SMAD9: variants seen among roughly 807,000 people sequenced by gnomAD.
SMAD9 encodes the protein SMAD family member 9, also known as MAD homolog 9.
SMAD9 carries 36 observed loss-of-function variants against 46.1 expected under a neutral mutation model. That is an observed-to-expected ratio of 0.78 (90% confidence interval 0.60 to 1.03). The LOEUF (loss-of-function observed/expected upper bound fraction) is 1.03. Ranked by LOEUF, SMAD9 falls within the 50% of genes least tolerant of loss-of-function variation. The pLI is 0.00. For synonymous variants in SMAD9, 245 were observed against 237.1 expected (o/e 1.03, Z -0.31); for missense variants, 572 against 599.8 (o/e 0.95, Z 0.48).
chr13:36,905,540 G>C (rs1057434869), intron 1 of SMAD9, among the ~76,000 whole-genome samples: 35 of 151,914 alleles, frequency 2.3e-4, no homozygotes, highest in Admixed American at 1.3e-4. Flanking sequence ...CAGATGGCTT[G>C]AGCCCAGGAG....
At chr13:36,914,413 G>C (rs751926349) in intron 1 of SMAD9, among the ~76,000 whole-genome samples, 11 of 152,126 alleles carry the variant, frequency 7.2e-5, no homozygotes, top group Non-Finnish European at 1.5e-4. Context: ...CAGCTACTTG[G>C]GAGGCTGAAG....
At chr13:36,915,583 T>C (rs1278045756) in intron 1 of SMAD9, among the ~76,000 whole-genome samples, 2 of 152,138 alleles carry the variant, frequency 1.3e-5, no homozygotes, top group African/African-American at 4.8e-5. Flanking sequence ...ATATTTAATA[T>C]CTAAAAAAGA....
intron 6 of SMAD9, among the ~76,000 whole-genome samples, chr13:36,850,701 T>C (rs2058067571): frequency 6.6e-6 from 1 of 152,152 alleles, no homozygotes; most frequent in Non-Finnish European, 1.5e-5. Flanking sequence ...AACTCAAACC[T>C]TTGGTGTTCT....
chr13:36,908,124 T>C (rs558331542), intron 1 of SMAD9, among the ~76,000 whole-genome samples: 85 of 152,332 alleles, frequency 5.6e-4, no homozygotes, highest in African/African-American at 2.0e-3. Context: ...GAGAAGAAAG[T>C]ACTGTTTTTA....
intron 1 of SMAD9, among the ~76,000 whole-genome samples, chr13:36,905,833 AT>A (rs61098969): frequency 0.49 from 63,316 of 130,386 alleles, 15,363 homozygotes; most frequent in Middle Eastern, 0.55. Flanking sequence ...CCTTTGTTAT[AT>A]TTTTTTAAAA....
At chr13:36,861,587 A>G (rs1201618812) in intron 5 of SMAD9, among the ~76,000 whole-genome samples, 1 of 146,470 alleles carries the variant, frequency 6.8e-6, no homozygotes, top group African/African-American at 2.5e-5. Flanking sequence ...AATTGCTGGG[A>G]TTACAGGCAT....
intron 1 of SMAD9, among the ~76,000 whole-genome samples, chr13:36,904,000 C>T (rs959983320): frequency 1.3e-5 from 2 of 151,974 alleles, no homozygotes; most frequent in African/African-American, 4.8e-5. Flanking sequence ...TTATGGAAAT[C>T]CAAAGAGCAC....
Position 36,872,725 on chromosome 13 carries a change from CGG to C in SMAD9, c.601_602del (p.Pro201ValfsTer14). ...GGGAGTGAGGGTAGCTGGCCGTGCACGGGGACTGGGAGAACGCGTGGCTGGGT... is the reference window on the plus strand; with the variant it reads ...GGGAGTGAGGGTAGCTGGCCGTGCACGGACTGGGAGAACGCGTGGCTGGGT... ...PSPSHAFSQS[P>X]CTASYPHSPG... On this transcript the variant is annotated frameshift_variant, in exon 3 of 7. Transcript: ENST00000379826. LOFTEE classifies it high-confidence loss of function. The C allele has an allele frequency of 6.2e-7, 1 of 1,613,882 alleles. No homozygotes were observed. Among genetic ancestry groups the C allele is most frequent in the African/African-American group, 1.3e-5 (1 of 74,944 alleles).
rs1330237317 is a variant in SMAD9, at chr13:36,847,229, A to G, written c.*1447T>C. On this transcript the variant is annotated 3_prime_UTR_variant, in exon 7 of 7. Transcript: ENST00000379826. ...TACCATGTGCACTAATGCTAGAAAG[A>G]GTTGAGATAAAATGTATAAATGAAG... 2 of 152,194 alleles carry G rather than the reference A, an allele frequency of 1.3e-5. No individual in the cohort carries two copies. The highest frequency in any genetic ancestry group is 4.8e-5 in the African/African-American group (2 of 41,446). 9.4% of individuals were successfully genotyped at this position (152,194 alleles called of 1,614,324 possible). A position where few individuals can be genotyped will look rare whatever the true frequency, so the allele number is the denominator to read the frequency against.
chr13:36,898,985 C>G (rs1187343187), intron 1 of SMAD9, among the ~76,000 whole-genome samples: 1 of 151,988 alleles, frequency 6.6e-6, no homozygotes, highest in East Asian at 1.9e-4. Flanking sequence ...TCTGTATTCA[C>G]AGGCAACAGA....
At chr13:36,853,948 C>T (rs576583586) in intron 5 of SMAD9, among the ~76,000 whole-genome samples, 8 of 152,196 alleles carry the variant, frequency 5.3e-5, no homozygotes, top group Non-Finnish European at 7.3e-5. Context: ...CATTTGAGGT[C>T]GGGAGTTCAA....
intron 1 of SMAD9, among the ~76,000 whole-genome samples, chr13:36,910,183 C>A (rs1422325150): frequency 2.0e-5 from 3 of 148,898 alleles, no homozygotes; most frequent in Non-Finnish European, 4.4e-5. Context: ...GGGGACACAG[C>A]GAGACTCCGT....
intron 1 of SMAD9, among the ~76,000 whole-genome samples, chr13:36,891,616 C>A (rs943952054): frequency 2.0e-5 from 3 of 152,182 alleles, no homozygotes; most frequent in South Asian, 2.1e-4. Flanking sequence ...TCATTACACC[C>A]GGCCTGGTAA....
intron 2 of SMAD9, among the ~76,000 whole-genome samples, chr13:36,876,132 C>T (rs1217596925): frequency 6.6e-6 from 1 of 152,068 alleles, no homozygotes; most frequent in Non-Finnish European, 1.5e-5. Flanking sequence ...TCATGCCTAT[C>T]TTATGCCACT....
At chr13:36,882,450 C>A (rs1238420467) in intron 1 of SMAD9, among the ~76,000 whole-genome samples, 1 of 152,192 alleles carries the variant, frequency 6.6e-6, no homozygotes, top group Non-Finnish European at 1.5e-5. Context: ...GAATTCCCAA[C>A]TAGTCATGAA....
intron 1 of SMAD9, among the ~76,000 whole-genome samples, chr13:36,885,011 C>T (rs1280623258): frequency 6.6e-6 from 1 of 152,158 alleles, no homozygotes; most frequent in Non-Finnish European, 1.5e-5. Flanking sequence ...TTGTTTTTGT[C>T]TTTTAATTTT....
intron 3 of SMAD9, among the ~76,000 whole-genome samples, chr13:36,870,003 G>A (rs889186006): frequency 1.3e-5 from 2 of 152,210 alleles, no homozygotes; most frequent in East Asian, 3.9e-4. Flanking sequence ...CCAGTAAATC[G>A]CAAAGGTTCC....
chr13:36,908,212 G>C (rs1257663865), intron 1 of SMAD9, among the ~76,000 whole-genome samples: 3 of 152,114 alleles, frequency 2.0e-5, no homozygotes, highest in African/African-American at 4.8e-5. Flanking sequence ...AATGAGATCT[G>C]TTTTCTGTTT....
At position 36,879,329 on chromosome 13, in the gene SMAD9, G is replaced by A; in HGVS notation, c.361C>T (p.Gln121Ter). 2 of 1,614,130 alleles carry A rather than the reference G, an allele frequency of 1.2e-6. No individual in the cohort carries two copies. The highest frequency in any genetic ancestry group is 1.7e-6 in the Non-Finnish European group (2 of 1,180,016). Residue 121 changes from glutamine to a stop codon, truncating the protein, a stop_gained, in exon 2 of 7, where the codon CAG (glutamine) becomes TAG (stop). Transcript: ENST00000379826. LOFTEE classifies it high-confidence loss of function. Reference sequence around the variant, plus strand: ...TAAGGGTTAATGCACACTTCTTTCTGCTTGGAGCCAAATGGGAACTCACAG... The same window carrying A: ...TAAGGGTTAATGCACACTTCTTTCTACTTGGAGCCAAATGGGAACTCACAG... ...ECCEFPFGSK[Q>*]KEVCINPYHY...
Sources: allele counts gnomAD v4.1 joint callset (sites outside exome capture counted in the v4.1 genomes callset), GRCh38; gene constraint gnomAD v4.1.1; transcripts MANE v1.5; gene names NCBI Gene and HGNC (gene_info 2026-07-23, HGNC 2026-07-21).